BPGM: variants seen among roughly 807,000 people sequenced by gnomAD.
BPGM encodes 2,3-bisphosphoglycerate mutase, erythrocyte.
In BPGM, 15 loss-of-function variants were observed where a neutral mutation model predicts 21.6. The ratio of observed to expected loss-of-function variants is 0.70; its 90% CI spans 0.47 to 1.07. BPGM has a LOEUF of 1.07. Among genes scored for constraint, BPGM ranks in the 50% least tolerant of loss-of-function variants. The pLI is 0.00. For synonymous variants in BPGM, 113 were observed against 116.2 expected, an observed-to-expected ratio of 0.97 and a Z score of 0.18; for missense variants, 273 against 319.0, an observed-to-expected ratio of 0.86 and a Z score of 1.10.
In BPGM at chr7:134,678,882, A is replaced by G; in HGVS notation, c.631A>G (p.Thr211Ala). The change falls in exon 3 of 3, where the codon ACT becomes GCT. Residue 211 changes from threonine (T) to alanine (A), a missense_variant. By Grantham distance (58) the Thr-to-Ala change is moderately conservative (BLOSUM62 0). Coordinates refer to ENST00000344924, the MANE Select transcript of BPGM (RefSeq NM_001724.5). ...GISDEDIINI[T>A]LPTGVPILLE... ...CTCAGATGAAGACATCATCAACATT[A>G]CTCTTCCTACTGGAGTCCCCATTCT... The G allele has an allele frequency of 1.2e-6, 2 of 1,613,624 alleles. No individual in the cohort carries two copies. Among genetic ancestry groups the G allele is most frequent in the East Asian group, 4.5e-5 (2 of 44,860 alleles).
chr7:134,662,058 T>C lies in BPGM; in HGVS notation c.551T>C (p.Leu184Pro), dbSNP rs1284513116. 1.9e-6 allele frequency: 3 copies of C among 1,614,168 alleles called. No homozygotes were observed. The highest frequency in any genetic ancestry group is 2.5e-6 in the Non-Finnish European group (3 of 1,180,018). Residue 184 changes from leucine (L) to proline (P), a missense_variant, in exon 2 of 3, where the codon CTG (leucine) becomes CCG (proline). Transcript: ENST00000344924. The stretch of plus-strand genomic sequence containing the variant: ...GAAGTATTACGTGGCAAAACCATTC[T>C]GATATCTGCTCATGGAAATAGCAGT... ...APEVLRGKTI[L>P]ISAHGNSSRA...
intron 2 of BPGM, among the ~76,000 whole-genome samples, chr7:134,675,791 A>G (rs1425190671): frequency 6.6e-6 from 1 of 152,182 alleles, no homozygotes; most frequent in Non-Finnish European, 1.5e-5. Context: ...ATAGGATTGT[A>G]TTGAATCTGT....
At chr7:134,662,135 GA>G (rs1280327785) in intron 2 of BPGM, 27 bp downstream of exon 2, 2 of 1,613,324 alleles carry the variant, frequency 1.2e-6, no homozygotes, top group African/African-American at 2.7e-5. Flanking sequence ...CCACTTATTA[GA>G]GGTTGCCAAG....
intron 2 of BPGM, among the ~76,000 whole-genome samples, chr7:134,671,789 A>T (rs1795908930): frequency 6.6e-6 from 1 of 152,214 alleles, no homozygotes; most frequent in South Asian, 2.1e-4. Flanking sequence ...CAAACCATAA[A>T]AGTGTTACTT....
At chr7:134,660,004 A>G (rs11765679) in intron 1 of BPGM, among the ~76,000 whole-genome samples, 88,906 of 152,046 alleles carry the variant, frequency 0.58, 27,075 homozygotes, top group East Asian at 0.89. Context: ...TTTGCACGAC[A>G]AAATCACCTA....
chr7:134,678,759 A>G (rs543148623), intron 2 of BPGM, 94 bp from the exon 3 acceptor site: 32 of 1,233,680 alleles, frequency 2.6e-5, no homozygotes, highest in Non-Finnish European at 3.6e-5. Flanking sequence ...TCAGGCACAC[A>G]GTTAAATGGG....
intron 2 of BPGM, among the ~76,000 whole-genome samples, chr7:134,675,843 C>T (rs1039880165): frequency 2.6e-5 from 4 of 152,092 alleles, no homozygotes; most frequent in Non-Finnish European, 4.4e-5. Flanking sequence ...AGTGTTATGT[C>T]TTCTAATCCA....
At chr7:134,677,087 A>T (rs1341901161) in intron 2 of BPGM, among the ~76,000 whole-genome samples, 1 of 152,208 alleles carries the variant, frequency 6.6e-6, no homozygotes, top group Non-Finnish European at 1.5e-5. Context: ...GCAAAGGAGT[A>T]TCTTAGTAGC....
chr7:134,651,393 A>T (rs1282432452), intron 1 of BPGM, among the ~76,000 whole-genome samples: 1 of 152,212 alleles, frequency 6.6e-6, no homozygotes, highest in Non-Finnish European at 1.5e-5. Flanking sequence ...GGGAGGAAGC[A>T]AAGTCCCAGG....
At chr7:134,647,980 T>A (rs1795488344) in intron 1 of BPGM, among the ~76,000 whole-genome samples, 1 of 151,758 alleles carries the variant, frequency 6.6e-6, no homozygotes, top group South Asian at 2.1e-4. Flanking sequence ...GTATTTTTAG[T>A]AGAGACGGGG....
chr7:134,675,122 AT>A (rs1434949926), intron 2 of BPGM, among the ~76,000 whole-genome samples: 3 of 152,068 alleles, frequency 2.0e-5, no homozygotes, highest in South Asian at 2.1e-4. Context: ...TCTTTTTATT[AT>A]TGGAGACAGT....
intron 2 of BPGM, among the ~76,000 whole-genome samples, chr7:134,663,744 AG>A (rs2131436964): frequency 6.6e-6 from 1 of 152,280 alleles, no homozygotes; most frequent in East Asian, 1.9e-4. Flanking sequence ...TTAGCTTGGA[AG>A]TCCCCCTTTT....
chr7:134,674,017 A>G (rs1022899076), intron 2 of BPGM, among the ~76,000 whole-genome samples: 1 of 151,010 alleles, frequency 6.6e-6, no homozygotes, highest in Non-Finnish European at 1.5e-5. Flanking sequence ...GGATCAAGCA[A>G]TTCTCCTGCC....
At chr7:134,671,614 T>C (rs1795906227) in intron 2 of BPGM, among the ~76,000 whole-genome samples, 2 of 152,214 alleles carry the variant, frequency 1.3e-5, no homozygotes. Flanking sequence ...ATTGCCTGCC[T>C]CGGCCTCCCA....
At chr7:134,665,648 T>TAAAAA (rs1795807152) in intron 2 of BPGM, among the ~76,000 whole-genome samples, 1 of 4,002 alleles carries the variant, frequency 2.5e-4, no homozygotes, top group African/African-American at 5.0e-3. Context: ...TAAAAATTAA[T>TAAAAA]GAAAAAAAAA....
chr7:134,646,894 A>AGCGGCTGCTGCT lies in BPGM; in HGVS notation c.-102_-91dup, dbSNP rs1795468369. 4 of 186,184 alleles carry AGCGGCTGCTGCT rather than the reference A, an allele frequency of 2.1e-5. No individual in the cohort carries two copies. The South Asian group carries it at 3.0e-4, about 14-fold the overall frequency. The allele number at this position is 186,184 out of a possible 1,614,324, so 11.5% of individuals were successfully genotyped here. On this transcript the variant is annotated 5_prime_UTR_variant, in exon 1 of 3. Transcript: ENST00000344924. ...CGCTGGCTCTTTGGCGGCTCGGAGG[A>AGCGGCTGCTGCT]GCGGCTGCTGCTGCTGCTGCTGCTG...
At chr7:134,653,723 GTAA>G (rs1585852461) in intron 1 of BPGM, among the ~76,000 whole-genome samples, 2 of 152,290 alleles carry the variant, frequency 1.3e-5, no homozygotes, top group East Asian at 3.9e-4. Flanking sequence ...ATACTGTTCT[GTAA>G]TAATGATGCA....
chr7:134,662,611 T>G (rs377665708), intron 2 of BPGM, among the ~76,000 whole-genome samples: 1 of 152,208 alleles, frequency 6.6e-6, no homozygotes, highest in Admixed American at 6.5e-5. Flanking sequence ...ACTTCAGTTT[T>G]GCTCACGTTC....
At chr7:134,658,965 CA>C (rs1795686468) in intron 1 of BPGM, among the ~76,000 whole-genome samples, 2 of 149,776 alleles carry the variant, frequency 1.3e-5, no homozygotes, top group Non-Finnish European at 2.9e-5. Context: ...TAAGATACCA[CA>C]AAGCTTGGTG....
Sources: allele counts gnomAD v4.1 joint callset (sites outside exome capture counted in the v4.1 genomes callset), GRCh38; gene constraint gnomAD v4.1.1; transcripts MANE v1.5; gene names NCBI Gene and HGNC (gene_info 2026-07-23, HGNC 2026-07-21).